PHF2: variants seen among roughly 807,000 people sequenced by gnomAD.
PHF2 encodes the protein lysine-specific demethylase PHF2.
Under a neutral mutation model 120.5 loss-of-function variants are expected in PHF2, and 27 were observed. The ratio of observed to expected loss-of-function variants is 0.22; its 90% CI spans 0.17 to 0.31. The LOEUF is 0.31. PHF2 is among the 10% of genes least tolerant of loss of function. The probability of loss-of-function intolerance (pLI) is 1.00; values close to 1 mark genes in which losing one functional copy is unlikely to be tolerated. For missense variants in PHF2, 1,024 were observed against 1,434.8 expected (o/e 0.71, Z 4.63); for synonymous variants, 568 against 592.5 (o/e 0.96, Z 0.60).
Position 93,576,814 on chromosome 9 carries a change from A to G in PHF2, c.41A>G (p.Tyr14Cys). 7.8e-7 allele frequency: 1 copy of G among 1,289,732 alleles called. No individual in the cohort carries two copies. The highest frequency in any genetic ancestry group is 1.0e-6 in the Non-Finnish European group (1 of 984,526). The allele number at this position is 1,289,732 out of a possible 1,614,324, so 79.9% of individuals were successfully genotyped here. A position where few individuals can be genotyped will look rare whatever the true frequency, so the allele number is the denominator to read the frequency against. Residue 14 changes from tyrosine (Y) to cysteine (C), a missense_variant, in exon 1 of 22, where the codon TAC becomes TGC. Physicochemically the swap from Tyr to Cys is radical, Grantham distance 194 (BLOSUM62 -2). Transcript: ENST00000359246. ...VPVYCVCRLPYDVTRFMIECD... is the reference protein window; with the variant it reads ...VPVYCVCRLPCDVTRFMIECD... ...GTGTACTGCGTCTGCCGGCTCCCCT[A>G]CGACGTTACCCGCTTCATGATCGAG...
chr9:93,587,530 T>TGGTGG lies in PHF2; in HGVS notation c.98+10659_98+10660insGGTGG, dbSNP rs1422404346. 9.9e-4 allele frequency among the ~76,000 whole-genome samples: 143 copies of TGGTGG among 144,800 alleles called. 3 individuals carry two copies. The highest frequency in any genetic ancestry group is 2.8e-3 in the African/African-American group (107 of 38,372). The allele number at this position is 144,800 out of a possible 152,430, so 95.0% of individuals were successfully genotyped here. A position where few individuals can be genotyped will look rare whatever the true frequency, so the allele number is the denominator to read the frequency against. On this transcript the variant is annotated intron_variant, in intron 1 of 21. Coordinates refer to ENST00000359246, the MANE Select transcript of PHF2 (RefSeq NM_005392.4). ...TGAGGGATGATGGAGGAGTCCCAGA[T>TGGTGG]AGTGGATGGAGGAGCCCCGGGTGAG... is the stretch of plus-strand genomic sequence containing the variant.
Position 93,653,296 on chromosome 9 carries a change from C to T in PHF2, c.720C>T (p.Cys240=), listed in dbSNP as rs779567951. The change falls in exon 6 of 22, where the codon TGC becomes TGT. Residue 240 remains cysteine, a synonymous_variant. Transcript: ENST00000359246. ...AAGTGACCAAGTACTGCCTAATCTG[C>T]GTGAAGGACAGTTACACCGACTTCC... ...KPKVTKYCLI[C]VKDSYTDFHI... is the part of the protein sequence containing the mutation. 3.0e-5 allele frequency: 48 copies of T among 1,614,002 alleles called. No individual in the cohort carries two copies. Among genetic ancestry groups the T allele is most frequent in the South Asian group, 8.8e-5 (8 of 91,092 alleles).
At chr9:93,606,321 A>C (rs1825542253) in intron 1 of PHF2, among the ~76,000 whole-genome samples, 1 of 151,980 alleles carries the variant, frequency 6.6e-6, no homozygotes, top group Non-Finnish European at 1.5e-5. Flanking sequence ...TGGCTGTACC[A>C]TTTTGCATCC....
At chr9:93,595,672 G>A (rs898120355) in intron 1 of PHF2, among the ~76,000 whole-genome samples, 5 of 152,242 alleles carry the variant, frequency 3.3e-5, no homozygotes, top group African/African-American at 9.6e-5. Flanking sequence ...GATGAGTGCG[G>A]CTGTGCATGC....
chr9:93,597,212 A>G (rs1199990457), intron 1 of PHF2, among the ~76,000 whole-genome samples: 1 of 152,168 alleles, frequency 6.6e-6, no homozygotes, highest in African/African-American at 2.4e-5. Context: ...TACAGGTGTG[A>G]GCCATCGCGC....
Position 93,663,617 on chromosome 9 carries a change from C to T in PHF2, c.1919C>T (p.Ser640Phe), listed in dbSNP as rs761982622. The change falls in exon 14 of 22, where the codon TCC (serine) becomes TTC (phenylalanine). Residue 640 changes from serine (S) to phenylalanine (F), a missense_variant. Ser to Phe is a radical substitution (Grantham distance 155). Coordinates refer to ENST00000359246, the MANE Select transcript of PHF2 (RefSeq NM_005392.4). ...GACAATAAGTTCTCTTTTTCTTTCT[C>T]CAACAAGAAACTCCTCGGGTATGTG... ...NKDNKFSFSFSNKKLLGSKAL... is the reference protein window; with the variant it reads ...NKDNKFSFSFFNKKLLGSKAL... The T allele has an allele frequency of 5.6e-6, 9 of 1,610,724 alleles. No individual in the cohort carries two copies. The highest frequency in any genetic ancestry group is 7.6e-6 in the Non-Finnish European group (9 of 1,177,872).
At chr9:93,602,728 T>G (rs1825465435) in intron 1 of PHF2, among the ~76,000 whole-genome samples, 1 of 152,206 alleles carries the variant, frequency 6.6e-6, no homozygotes, top group Non-Finnish European at 1.5e-5. Flanking sequence ...CAGAAGCATC[T>G]TTTTAGATTC....
chr9:93,592,303 G>A (rs182398560), intron 1 of PHF2, among the ~76,000 whole-genome samples: 41 of 152,298 alleles, frequency 2.7e-4, no homozygotes, highest in African/African-American at 8.9e-4. Context: ...GAGCAGCGGG[G>A]TGATCCCAGG....
chr9:93,653,112 T>G (rs1388261486), intron 5 of PHF2, 67 bp from the exon 6 acceptor site: 3 of 1,465,414 alleles, frequency 2.0e-6, no homozygotes, highest in Non-Finnish European at 2.8e-6. Context: ...AGAACATGTT[T>G]CCCACTGCAG....
At position 93,660,554 on chromosome 9, in the gene PHF2, G is replaced by C. The variant is rs761242605; in HGVS notation, c.1692G>C (p.Lys564Asn). Residue 564 changes from lysine to asparagine, a missense_variant, in exon 12 of 22, where the codon AAG becomes AAC. By Grantham distance (94) the Lys-to-Asn change is moderately conservative. Around this residue, in one of 2 missense-constraint regions of PHF2, gnomAD observed 677 missense variants for 857.4 expected, o/e 0.79. Transcript: ENST00000359246. ...EALTKMEPPK[K>N]GKATKSVLSV... ...TGACCAAGATGGAGCCGCCCAAGAA[G>C]GGCAAGGTGGGACCCCCTCACCCTG... is the stretch of plus-strand genomic sequence containing the variant. The C allele has an allele frequency of 6.4e-7, 1 of 1,556,908 alleles. No individual in the cohort carries two copies. Among genetic ancestry groups the C allele is most frequent in the Non-Finnish European group, 8.6e-7 (1 of 1,156,732 alleles).
At chr9:93,631,212 A>G (rs1825996927) in intron 2 of PHF2, among the ~76,000 whole-genome samples, 1 of 152,216 alleles carries the variant, frequency 6.6e-6, no homozygotes, top group Non-Finnish European at 1.5e-5. Flanking sequence ...GCTGGGTCTC[A>G]CTACTCTGAG....
chr9:93,577,737 C>G (rs1393904799), intron 1 of PHF2, among the ~76,000 whole-genome samples: 1 of 152,180 alleles, frequency 6.6e-6, no homozygotes, highest in Non-Finnish European at 1.5e-5. Flanking sequence ...CTTGGAGACA[C>G]TGAAAACCCC....
Position 93,676,913 on chromosome 9 carries a change from C to T in PHF2, c.3152C>T (p.Thr1051Ile). ...SQPMAPGVFLTQRRPSASSPN... is the reference protein window; with the variant it reads ...SQPMAPGVFLIQRRPSASSPN... Reference sequence around the variant, plus strand: ...CCCATGGCCCCTGGGGTCTTTCTCACACAGAGGCGGCCCTCCGCATCGTCT... The same window carrying T: ...CCCATGGCCCCTGGGGTCTTTCTCATACAGAGGCGGCCCTCCGCATCGTCT... The change falls in exon 21 of 22, where the codon ACA (threonine) becomes ATA (isoleucine). Residue 1051 changes from threonine (T) to isoleucine (I), a missense_variant. By Grantham distance (89) the Thr-to-Ile change is moderately conservative. Transcript: ENST00000359246. 3 of 1,579,844 alleles carry T rather than the reference C, an allele frequency of 1.9e-6. No individual in the cohort carries two copies. The highest frequency in any genetic ancestry group is 2.6e-6 in the Non-Finnish European group (3 of 1,161,390).
intron 17 of PHF2, among the ~76,000 whole-genome samples, chr9:93,668,334 T>A (rs1395637363): frequency 6.6e-6 from 1 of 152,088 alleles, no homozygotes; most frequent in Non-Finnish European, 1.5e-5. Context: ...GGCTGTGAGC[T>A]CCTCCTCCCT....
At chr9:93,642,572 A>G (rs1371112331) in intron 3 of PHF2, among the ~76,000 whole-genome samples, 1 of 152,094 alleles carries the variant, frequency 6.6e-6, no homozygotes, top group Non-Finnish European at 1.5e-5. Context: ...AAGGTATTTT[A>G]TTGTCTTTTG....
chr9:93,658,064 C>T, intron 9 of PHF2, 81 bp from the exon 10 acceptor site: 1 of 907,870 alleles, frequency 1.1e-6, no homozygotes, highest in Non-Finnish European at 1.8e-6. Context: ...CTGGCATCCC[C>T]CGGTCTGGCT....
chr9:93,660,587 A>C, intron 12 of PHF2, 27 bp downstream of exon 12: 1 of 1,517,606 alleles, frequency 6.6e-7, no homozygotes, highest in East Asian at 2.3e-5. Context: ...CTGACTCCCC[A>C]CCTTATCACC....
At chr9:93,598,343 G>A (rs1825371452) in intron 1 of PHF2, among the ~76,000 whole-genome samples, 1 of 152,244 alleles carries the variant, frequency 6.6e-6, no homozygotes, top group South Asian at 2.1e-4. Flanking sequence ...CCCTGCCACT[G>A]CGCTTATCAT....
intron 1 of PHF2, among the ~76,000 whole-genome samples, chr9:93,626,403 C>A (rs1000547955): frequency 1.3e-5 from 2 of 152,126 alleles, no homozygotes; most frequent in African/African-American, 4.8e-5. Flanking sequence ...GTTCAAAGTC[C>A]TTTACCTGTT....
Sources: allele counts gnomAD v4.1 joint callset (sites outside exome capture counted in the v4.1 genomes callset), GRCh38; gene constraint gnomAD v4.1.1; regional missense constraint gnomAD v4.1.1; transcripts MANE v1.5; gene names NCBI Gene and HGNC (gene_info 2026-07-23, HGNC 2026-07-21).